Variants in PID1 observed in about 807,000 individuals in gnomAD.
The protein encoded by PID1 is PTB-containing, cubilin and LRP1-interacting protein.
Under a neutral mutation model 19.1 loss-of-function variants are expected in PID1, and 10 were observed. That is an observed-to-expected ratio of 0.52 (90% confidence interval 0.32 to 0.89). The LOEUF (loss-of-function observed/expected upper bound fraction) is 0.89. Ranked by LOEUF, PID1 falls within the 40% of genes least tolerant of loss-of-function variation. PID1 has a pLI of 0.03. For synonymous variants in PID1, 130 were observed against 116.0 expected (o/e 1.12, Z -0.78); for missense variants, 248 against 285.3 (o/e 0.87, Z 0.94).
rs1160601949 is a variant in PID1 at position 229,150,245 on chromosome 2, GGAGA to G, written c.177+5569_177+5572del. Among the ~76,000 whole-genome samples the G allele has an allele frequency of 4.7e-5, 7 of 147,512 alleles. No individual in the cohort carries two copies. The East Asian group carries it at 1.0e-3, about 21-fold the overall frequency. On this transcript the variant is annotated intron_variant, in intron 2 of 2. Coordinates refer to ENST00000392055, the MANE Select transcript of PID1 (RefSeq NM_001100818.2). Reference sequence around the variant, plus strand: ...AGTGAGACTCAAAAAAAAAAAAAAAGGAGAGAGAGAGAGAAAGAAAGAAGTAAAG... The same window carrying G: ...AGTGAGACTCAAAAAAAAAAAAAAAGGAGAGAGAGAAAGAAAGAAGTAAAG...
In PID1 at chr2:229,076,612, C is replaced by A. The variant is rs1694563902; in HGVS notation, c.178-50504G>T. Among the ~76,000 whole-genome samples the A allele has an allele frequency of 2.0e-5, 3 of 152,066 alleles. No homozygotes were observed. The South Asian group carries it at 6.2e-4, about 32-fold the overall frequency. On this transcript the variant is annotated intron_variant, in intron 2 of 2. Transcript: ENST00000392055. ...CCTGTGCCCATATGTTCTCATTGGT[C>A]AACTCCCACTTATGAGTGAGAACAT...
At chr2:229,134,555 G>A (rs957500368) in intron 2 of PID1, among the ~76,000 whole-genome samples, 3 of 151,906 alleles carry the variant, frequency 2.0e-5, no homozygotes, top group African/African-American at 7.3e-5. Flanking sequence ...GTTGTTATCT[G>A]ATTCCAAAAG....
rs570359412 is a variant in PID1 at position 229,212,359 on chromosome 2, G to A, written c.31-56395C>T. The stretch of plus-strand genomic sequence containing the variant: ...CAGAGAGATGTTACAGCTGCCACGT[G>A]CTGCACACTGTCTTTATTTTTCCCT... On this transcript the variant is annotated intron_variant, in intron 1 of 2. Transcript: ENST00000392055. Among the ~76,000 whole-genome samples, 100 of 152,284 alleles carry A rather than the reference G, an allele frequency of 6.6e-4. 1 individual carries two copies. Among genetic ancestry groups the A allele is most frequent in the Admixed American group, 1.6e-3 (25 of 15,296 alleles).
At chr2:229,108,364 G>A (rs1415808495) in intron 2 of PID1, among the ~76,000 whole-genome samples, 1 of 152,154 alleles carries the variant, frequency 6.6e-6, no homozygotes, top group Admixed American at 6.5e-5. Context: ...TTTGAGCATA[G>A]AGCACTGAGT....
chr2:229,042,461 A>G (rs1693790938), intron 2 of PID1, among the ~76,000 whole-genome samples: 1 of 152,174 alleles, frequency 6.6e-6, no homozygotes, highest in African/African-American at 2.4e-5. Context: ...ATATATTCAA[A>G]AGACCTGTTT....
At chr2:229,182,831 G>A (rs1198544858) in intron 1 of PID1, among the ~76,000 whole-genome samples, 2 of 152,138 alleles carry the variant, frequency 1.3e-5, no homozygotes, top group Non-Finnish European at 2.9e-5. Flanking sequence ...GGCTGTTAAC[G>A]TACACTTCAT....
intron 1 of PID1, among the ~76,000 whole-genome samples, chr2:229,247,191 T>A (rs960024240): frequency 6.6e-6 from 1 of 152,180 alleles, no homozygotes; most frequent in Non-Finnish European, 1.5e-5. Context: ...AAATGAAAGA[T>A]AAAGCAAAAG....
intron 2 of PID1, among the ~76,000 whole-genome samples, chr2:229,035,348 T>G (rs1396950402): frequency 6.6e-6 from 1 of 152,158 alleles, no homozygotes. Flanking sequence ...GGATCTCCTG[T>G]CTGCCCACCT....
chr2:229,239,170 G>T (rs1480678642), intron 1 of PID1, among the ~76,000 whole-genome samples: 1 of 152,160 alleles, frequency 6.6e-6, no homozygotes, highest in Admixed American at 6.5e-5. Flanking sequence ...AGCACAGATT[G>T]CTGGGCTGCA....
intron 1 of PID1, among the ~76,000 whole-genome samples, chr2:229,175,921 A>G (rs540877431): frequency 6.6e-6 from 1 of 152,330 alleles, no homozygotes; most frequent in South Asian, 2.1e-4. Context: ...AGTCCAAATG[A>G]TCTGTGATGG....
At chr2:229,131,086 A>G (rs1005307007) in intron 2 of PID1, among the ~76,000 whole-genome samples, 1 of 152,112 alleles carries the variant, frequency 6.6e-6, no homozygotes, top group Non-Finnish European at 1.5e-5. Flanking sequence ...CAGTTACTCT[A>G]TTTCCAAATA....
At chr2:229,137,700 T>C (rs924754611) in intron 2 of PID1, among the ~76,000 whole-genome samples, 2 of 152,202 alleles carry the variant, frequency 1.3e-5, no homozygotes, top group Non-Finnish European at 2.9e-5. Flanking sequence ...GTGCACAGAA[T>C]AGGTGAATTT....
chr2:229,244,812 C>G (rs1340916841), intron 1 of PID1: 3 of 152,126 alleles, frequency 2.0e-5, no homozygotes, highest in Non-Finnish European at 2.9e-5. Context: ...GCTTTGCTCT[C>G]TGGATTCCCA....
intron 1 of PID1, among the ~76,000 whole-genome samples, chr2:229,200,193 A>G (rs1316134313): frequency 1.3e-5 from 2 of 151,978 alleles, no homozygotes; most frequent in Admixed American, 1.3e-4. Context: ...CTGAGGAGTT[A>G]TTTGGTTGGT....
chr2:229,200,048 G>A (rs1441142839), intron 1 of PID1, among the ~76,000 whole-genome samples: 1 of 151,846 alleles, frequency 6.6e-6, no homozygotes, highest in African/African-American at 2.4e-5. Flanking sequence ...TCTGAAAGAA[G>A]CACAGGTTCC....
At chr2:229,027,061 T>C (rs1234591318) in intron 2 of PID1, among the ~76,000 whole-genome samples, 1 of 152,022 alleles carries the variant, frequency 6.6e-6, no homozygotes, top group East Asian at 1.9e-4. Context: ...GTGACACAAA[T>C]AGAAATACTA....
At chr2:229,190,147 G>A (rs772586451) in intron 1 of PID1, among the ~76,000 whole-genome samples, 10 of 152,228 alleles carry the variant, frequency 6.6e-5, no homozygotes, top group South Asian at 2.1e-4. Context: ...GGCAAGTGAC[G>A]TTGGTTCCCC....
chr2:229,062,425 A>G (rs2106194028), intron 2 of PID1, among the ~76,000 whole-genome samples: 1 of 152,086 alleles, frequency 6.6e-6, no homozygotes, highest in Admixed American at 6.6e-5. Flanking sequence ...CTTGTAACCC[A>G]GGAATACAAG....
At chr2:229,141,862 G>T (rs1404263553) in intron 2 of PID1, among the ~76,000 whole-genome samples, 2 of 141,984 alleles carry the variant, frequency 1.4e-5, no homozygotes, top group Admixed American at 1.4e-4. Context: ...CATTTCTCTT[G>T]CCAAGAAACG....
Sources: gnomAD v4.1 joint callset for allele counts (sites outside exome capture counted in the v4.1 genomes callset) on GRCh38, gnomAD v4.1.1 for gene constraint, MANE v1.5 for transcripts, NCBI Gene and HGNC (gene_info 2026-07-23, HGNC 2026-07-21) for gene names.